LNX2: variants seen among roughly 807,000 people sequenced by gnomAD.
LNX2 encodes the protein ligand of Numb protein X 2.
Under a neutral mutation model 66.2 loss-of-function variants are expected in LNX2, and 35 were observed. The ratio of observed to expected loss-of-function variants is 0.53; its 90% CI spans 0.40 to 0.70. The LOEUF (loss-of-function observed/expected upper bound fraction) is 0.70, where lower values mean the gene tolerates loss of function less well. Ranked by LOEUF, LNX2 falls within the 30% of genes least tolerant of loss-of-function variation. The pLI is 0.00. For missense variants in LNX2, 791 were observed against 850.8 expected, an observed-to-expected ratio of 0.93 and a Z score of 0.87; for synonymous variants, 337 against 315.6, an observed-to-expected ratio of 1.07 and a Z score of -0.72.
chr13:27,550,278 G>A, intron 9 of LNX2, 55 bp downstream of exon 9: 3 of 1,517,272 alleles, frequency 2.0e-6, no homozygotes, highest in Non-Finnish European at 1.8e-6. Context: ...CCCTGGTCTA[G>A]ATCATGTCCA....
intron 3 of LNX2, among the ~76,000 whole-genome samples, chr13:27,568,487 G>A (rs1955233372): frequency 6.6e-6 from 1 of 152,038 alleles, no homozygotes. Context: ...TGAGATGCAT[G>A]GTCTTGGAGT....
At chr13:27,593,215 TGGAAGCCTTTG>T (rs1955562734) in intron 1 of LNX2, among the ~76,000 whole-genome samples, 1 of 152,222 alleles carries the variant, frequency 6.6e-6, no homozygotes, top group Admixed American at 6.5e-5. Flanking sequence ...TTCATCCCTT[TGGAAGCCTTTG>T]TCATTTATCT....
chr13:27,550,273 G>A, intron 9 of LNX2, 60 bp downstream of exon 9: 1 of 1,494,386 alleles, frequency 6.7e-7, no homozygotes. Flanking sequence ...CTGACCCCTG[G>A]TCTAGATCAT....
chr13:27,566,790 G>C (rs951358659), intron 4 of LNX2, among the ~76,000 whole-genome samples: 1 of 152,058 alleles, frequency 6.6e-6, no homozygotes, highest in Non-Finnish European at 1.5e-5. Context: ...CCTGCGCTTG[G>C]GTTGACAGGA....
At chr13:27,550,267 C>A in intron 9 of LNX2, 66 bp downstream of exon 9, 1 of 1,434,808 alleles carries the variant, frequency 7.0e-7, no homozygotes, top group Non-Finnish European at 9.6e-7. Flanking sequence ...TGACCCCTGA[C>A]CCCTGGTCTA....
chr13:27,584,949 T>C (rs996543130), intron 1 of LNX2, among the ~76,000 whole-genome samples: 1 of 148,660 alleles, frequency 6.7e-6, no homozygotes, highest in African/African-American at 2.5e-5. Context: ...GAAACCTCAT[T>C]GCTACTAAAA....
At chr13:27,555,932 T>C (rs1310707890) in intron 7 of LNX2, among the ~76,000 whole-genome samples, 1 of 152,208 alleles carries the variant, frequency 6.6e-6, no homozygotes, top group Non-Finnish European at 1.5e-5. Context: ...TTCAGTGAGA[T>C]GGCCCTTTGG....
intron 1 of LNX2, among the ~76,000 whole-genome samples, chr13:27,592,547 C>G (rs1003000681): frequency 2.0e-5 from 3 of 152,160 alleles, no homozygotes; most frequent in African/African-American, 7.2e-5. Context: ...CACACAAGTC[C>G]AGTTCAAAGA....
intron 1 of LNX2, among the ~76,000 whole-genome samples, chr13:27,610,646 A>G (rs1255478171): frequency 1.3e-5 from 2 of 152,244 alleles, no homozygotes; most frequent in East Asian, 3.8e-4. Context: ...GACAAATGGG[A>G]CTACATTAAA....
chr13:27,592,218 C>G (rs1955552202), intron 1 of LNX2, among the ~76,000 whole-genome samples: 1 of 152,162 alleles, frequency 6.6e-6, no homozygotes, highest in Non-Finnish European at 1.5e-5. Flanking sequence ...CTGAAATATT[C>G]TGAGCCACAG....
intron 6 of LNX2, among the ~76,000 whole-genome samples, chr13:27,557,195 G>A (rs1450297371): frequency 1.3e-5 from 2 of 152,034 alleles, no homozygotes; most frequent in Non-Finnish European, 2.9e-5. Flanking sequence ...GGCTTAGCCT[G>A]TGAAAAGCTA....
chr13:27,588,599 C>A (rs1280308576), intron 1 of LNX2, among the ~76,000 whole-genome samples: 1 of 152,154 alleles, frequency 6.6e-6, no homozygotes, highest in Non-Finnish European at 1.5e-5. Flanking sequence ...TGATACTGTA[C>A]TATAGTTCTG....
chr13:27,609,048 C>G (rs934110709), intron 1 of LNX2, among the ~76,000 whole-genome samples: 22 of 152,128 alleles, frequency 1.4e-4, no homozygotes, highest in African/African-American at 5.3e-4. Flanking sequence ...TTGCCTCAGC[C>G]TCCCAAAGTT....
intron 1 of LNX2, among the ~76,000 whole-genome samples, chr13:27,598,188 G>C (rs74040820): frequency 7.1e-6 from 1 of 140,010 alleles, no homozygotes; most frequent in Non-Finnish European, 1.5e-5. Flanking sequence ...GAGTGGGTAA[G>C]GGTCTCAGCA....
rs1185035834 is a variant in LNX2 at position 27,547,531 on chromosome 13, C to T, written c.*804G>A. On this transcript the variant is annotated 3_prime_UTR_variant, in exon 10 of 10. Coordinates refer to ENST00000316334, the MANE Select transcript of LNX2 (RefSeq NM_153371.4). ...ATAAACCAGAAAATCAGTTTATAAA[C>T]AGTATGAAGTTTTGAAATGTTGGCA... 1.3e-5 allele frequency: 2 copies of T among 152,064 alleles called. No individual in the cohort carries two copies. Among genetic ancestry groups the T allele is most frequent in the African/African-American group, 2.4e-5 (1 of 41,412 alleles). 9.4% of individuals were successfully genotyped at this position (152,064 alleles called of 1,614,324 possible).
intron 3 of LNX2, among the ~76,000 whole-genome samples, chr13:27,568,625 T>C (rs534738258): frequency 4.6e-5 from 7 of 152,200 alleles, no homozygotes; most frequent in Non-Finnish European, 7.3e-5. Context: ...AAATAGCTAA[T>C]ACATATAAAA....
intron 2 of LNX2, among the ~76,000 whole-genome samples, chr13:27,571,131 T>C (rs1955274624): frequency 6.6e-6 from 1 of 152,186 alleles, no homozygotes; most frequent in Non-Finnish European, 1.5e-5. Context: ...AGATTGAACC[T>C]TTGGGAAAAC....
At chr13:27,551,841 C>T (rs965724723) in intron 8 of LNX2, among the ~76,000 whole-genome samples, 1 of 152,150 alleles carries the variant, frequency 6.6e-6, no homozygotes, top group East Asian at 1.9e-4. Context: ...AAACAAACAG[C>T]TTTCTTGTAT....
At chr13:27,578,662 A>C (rs950937366) in intron 2 of LNX2, among the ~76,000 whole-genome samples, 1 of 152,168 alleles carries the variant, frequency 6.6e-6, no homozygotes, top group African/African-American at 2.4e-5. Flanking sequence ...AAATACCCTG[A>C]GGCTGTCATG....
Sources: gnomAD v4.1 joint callset for allele counts (sites outside exome capture counted in the v4.1 genomes callset) on GRCh38, gnomAD v4.1.1 for gene constraint, MANE v1.5 for transcripts, NCBI Gene and HGNC (gene_info 2026-07-23, HGNC 2026-07-21) for gene names.